Variants in RAD51B observed in about 807,000 individuals in gnomAD.
The protein encoded by RAD51B is DNA repair protein RAD51 homolog 2.
RAD51B carries 38 observed loss-of-function variants against 42.2 expected under a neutral mutation model. The observed-to-expected ratio is 0.90, with a 90% CI of 0.70 to 1.18. The LOEUF is 1.18. Ranked by LOEUF, RAD51B falls within the 50% of genes most tolerant of loss-of-function variation. The probability of loss-of-function intolerance (pLI) is 0.00; values close to 1 mark genes in which losing one functional copy is unlikely to be tolerated. For synonymous variants in RAD51B, 154 were observed against 145.2 expected, an observed-to-expected ratio of 1.06 and a Z score of -0.43; for missense variants, 373 against 400.7, an observed-to-expected ratio of 0.93 and a Z score of 0.59.
At chr14:68,287,672 T>C (rs906468570) in intron 7 of RAD51B, among the ~76,000 whole-genome samples, 3 of 152,374 alleles carry the variant, frequency 2.0e-5, no homozygotes, top group Middle Eastern at 3.4e-3. Context: ...TAAATTGTTA[T>C]TGCTTTTGAA....
intron 7 of RAD51B, among the ~76,000 whole-genome samples, chr14:67,893,666 G>T (rs1446298558): frequency 2.6e-5 from 4 of 151,940 alleles, no homozygotes; most frequent in African/African-American, 7.3e-5. Flanking sequence ...GCAAGACCCT[G>T]TCTCAAAATA....
intron 3 of RAD51B, among the ~76,000 whole-genome samples, chr14:67,827,596 C>T (rs1357405811): frequency 6.6e-6 from 1 of 152,076 alleles, no homozygotes; most frequent in Admixed American, 6.6e-5. Context: ...TTAAGCTCAG[C>T]GTCCATTAGC....
At chr14:68,030,942 G>C (rs575839902) in intron 7 of RAD51B, among the ~76,000 whole-genome samples, 3 of 152,320 alleles carry the variant, frequency 2.0e-5, no homozygotes, top group Admixed American at 2.0e-4. Flanking sequence ...GGAGAGAGAT[G>C]AAGGGGAATG....
chr14:68,264,668 A>G (rs1303628948), intron 7 of RAD51B, among the ~76,000 whole-genome samples: 1 of 152,160 alleles, frequency 6.6e-6, no homozygotes, highest in Non-Finnish European at 1.5e-5. Flanking sequence ...TAGTTATACG[A>G]AGTAGGAGGT....
intron 7 of RAD51B, among the ~76,000 whole-genome samples, chr14:68,098,415 A>G (rs1221304820): frequency 6.6e-6 from 1 of 152,244 alleles, no homozygotes; most frequent in Non-Finnish European, 1.5e-5. Context: ...TGTGTATATT[A>G]ATCCAGTTTC....
intron 10 of RAD51B, among the ~76,000 whole-genome samples, chr14:68,646,752 T>C (rs1279810947): frequency 6.6e-6 from 1 of 152,174 alleles, no homozygotes; most frequent in African/African-American, 2.4e-5. Context: ...TTGGAAATGG[T>C]GTTCAATGAG....
At chr14:68,649,893 C>T (rs1190743967) in intron 10 of RAD51B, among the ~76,000 whole-genome samples, 1 of 152,220 alleles carries the variant, frequency 6.6e-6, no homozygotes, top group Non-Finnish European at 1.5e-5. Flanking sequence ...TAACACTTCT[C>T]AGGACACCCT....
intron 7 of RAD51B, among the ~76,000 whole-genome samples, chr14:68,002,622 G>C (rs2075506523): frequency 6.6e-6 from 1 of 152,104 alleles, no homozygotes; most frequent in Non-Finnish European, 1.5e-5. Flanking sequence ...CTGCTGAATG[G>C]TATTGCCAAG....
At chr14:68,259,198 C>T (rs376269046) in intron 7 of RAD51B, among the ~76,000 whole-genome samples, 14 of 150,678 alleles carry the variant, frequency 9.3e-5, no homozygotes, top group African/African-American at 1.7e-4. Context: ...TGTTCTTGAA[C>T]GAAATGCAAA....
At chr14:68,332,184 CA>C (rs2082364032) in intron 8 of RAD51B, among the ~76,000 whole-genome samples, 1 of 152,170 alleles carries the variant, frequency 6.6e-6, no homozygotes, top group African/African-American at 2.4e-5. Context: ...GATTCTCTCC[CA>C]TAATTTCCTT....
intron 7 of RAD51B, among the ~76,000 whole-genome samples, chr14:68,116,346 TAA>T (rs59572940): frequency 0.2 from 27,561 of 135,094 alleles, 2,785 homozygotes; most frequent in Middle Eastern, 0.37. Flanking sequence ...TTTAAAAGGT[TAA>T]AAAAAAAAAA....
rs34355633 is a variant in RAD51B at position 67,823,652 on chromosome 14, T to C, written c.84+25T>C. The stretch of plus-strand genomic sequence containing the variant: ...GGTAAATTTTATTTAACATTTTTAT[T>C]GATAAGTTTTATGCACAAGTTAACT... On this transcript the variant is annotated intron_variant, in intron 2 of 10. Coordinates refer to ENST00000471583, the MANE Select transcript of RAD51B (RefSeq NM_133510.4). The C allele has an allele frequency of 3.0e-3, 4,676 of 1,575,512 alleles. 210 individuals carry two copies. The Admixed American group carries it at 0.074, about 25-fold the overall frequency.
intron 8 of RAD51B, among the ~76,000 whole-genome samples, chr14:68,327,370 T>G (rs57668377): frequency 0.1 from 6,327 of 61,278 alleles, 429 homozygotes; most frequent in East Asian, 0.34. Flanking sequence ...CTTCAGTTTG[T>G]TTTTTTTTGT....
At position 67,950,128 on chromosome 14, in the gene RAD51B, C is replaced by G. The variant is rs75793251; in HGVS notation, c.756+62924C>G. 2.0e-5 allele frequency among the ~76,000 whole-genome samples: 3 copies of G among 152,254 alleles called. No homozygotes were observed. The South Asian group carries it at 6.2e-4, about 32-fold the overall frequency. ...AGTTGCCAACTGCATTAGCCTCTAC[C>G]GAGAGAGTCAGCCTATCCTTTGAAG... On this transcript the variant is annotated intron_variant, in intron 7 of 10. Transcript: ENST00000471583.
chr14:68,668,880 T>A (rs1383403209), intron 11 of RAD51B, among the ~76,000 whole-genome samples: 1 of 152,162 alleles, frequency 6.6e-6, no homozygotes, highest in Non-Finnish European at 1.5e-5. Context: ...CCAAGAAAAG[T>A]CTAAAACTGG....
intron 9 of RAD51B, among the ~76,000 whole-genome samples, chr14:68,452,312 G>C (rs1201458363): frequency 2.6e-5 from 4 of 152,140 alleles, no homozygotes; most frequent in Non-Finnish European, 2.9e-5. Flanking sequence ...AAATTCAGAT[G>C]ATGATGAAAC....
intron 9 of RAD51B, among the ~76,000 whole-genome samples, chr14:68,425,959 TCTTTCTTTCTTTCTTTCTTCCTTC>T (rs1266905788): frequency 2.8e-5 from 3 of 108,988 alleles, no homozygotes; most frequent in African/African-American, 1.1e-4. Context: ...TTTCTTTCTT[TCTTTCTTTCTTTCTTTCTTCCTTC>T]CTTCCTTCCT....
intron 10 of RAD51B, among the ~76,000 whole-genome samples, chr14:68,521,084 G>T (rs757559129): frequency 1.3e-5 from 2 of 152,146 alleles, no homozygotes; most frequent in Admixed American, 6.5e-5. Context: ...GTAGTGGAGT[G>T]GTGACTCAAG....
At chr14:68,272,286 G>A (rs2081118703) in intron 7 of RAD51B, among the ~76,000 whole-genome samples, 1 of 151,980 alleles carries the variant, frequency 6.6e-6, no homozygotes, top group African/African-American at 2.4e-5. Context: ...GACAAGAGAT[G>A]CCTCTTCCTG....
Sources: gnomAD v4.1 joint callset for allele counts (sites outside exome capture counted in the v4.1 genomes callset) on GRCh38, gnomAD v4.1.1 for gene constraint, MANE v1.5 for transcripts, NCBI Gene and HGNC (gene_info 2026-07-23, HGNC 2026-07-21) for gene names.